The following SAMHD1 variants were observed in gnomAD, a reference collection of about 807,000 sequenced individuals.
The protein encoded by SAMHD1 is deoxynucleoside triphosphate triphosphohydrolase SAMHD1.
Under a neutral mutation model 79.6 loss-of-function variants are expected in SAMHD1, and 54 were observed. The ratio of observed to expected loss-of-function variants is 0.68; its 90% CI spans 0.55 to 0.85. The LOEUF (loss-of-function observed/expected upper bound fraction) is 0.85. SAMHD1 is among the 40% of genes least tolerant of loss of function. SAMHD1 has a pLI of 0.00. For synonymous variants in SAMHD1, 260 were observed against 264.1 expected (o/e 0.98, Z 0.15); for missense variants, 663 against 782.7 (o/e 0.85, Z 1.82).
chr20:36,945,244 G>GCGT (rs2063678051), intron 2 of SAMHD1, among the ~76,000 whole-genome samples: 1 of 152,102 alleles, frequency 6.6e-6, no homozygotes, highest in African/African-American at 2.4e-5. Flanking sequence ...AATTTACTAA[G>GCGT]CGTTAATCAT....
intron 9 of SAMHD1, 132 bp downstream of exon 9, chr20:36,916,590 G>A: frequency 1.3e-6 from 1 of 765,024 alleles, no homozygotes; most frequent in Non-Finnish European, 2.4e-6. Flanking sequence ...AGAGACTAAA[G>A]ATATTTACAA....
intron 2 of SAMHD1, among the ~76,000 whole-genome samples, chr20:36,942,795 C>T (rs1236332228): frequency 6.6e-6 from 1 of 151,950 alleles, no homozygotes; most frequent in Admixed American, 6.6e-5. Flanking sequence ...TACAGCCGCC[C>T]GCCACCATGC....
Position 36,917,003 on chromosome 20 carries a change from A to G in SAMHD1, c.899T>C (p.Ile300Thr), listed in dbSNP as rs901586847. 6.2e-7 allele frequency: 1 copy of G among 1,614,082 alleles called. No homozygotes were observed. The highest frequency in any genetic ancestry group is 1.7e-5 in the Admixed American group (1 of 60,018). Residue 300 changes from isoleucine (I) to threonine (T), a missense_variant, in exon 8 of 16, where the codon ATA becomes ACA. Coordinates refer to ENST00000646673, the MANE Select transcript of SAMHD1 (RefSeq NM_015474.4). ...AATGCCATTTCTTTTATTAGATACT[A>G]TCTCATAAAGGAAGCTTTTGTTTTC... Reference protein sequence around the residue: ...RPENKSFLYEIVSNKRNGIDV... With the variant: ...RPENKSFLYETVSNKRNGIDV...
At position 36,935,848 on chromosome 20, in the gene SAMHD1, G is replaced by T. The variant is rs193031535; in HGVS notation, c.349-659C>A. On this transcript the variant is annotated intron_variant, in intron 3 of 15. Transcript: ENST00000646673. ...GGCCTCCCAAAGTGTTGGGATTACA[G>T]GCGTGAGCCACCGTGCCCGGCCTAA... Among the ~76,000 whole-genome samples, 3 of 152,220 alleles carry T rather than the reference G, an allele frequency of 2.0e-5. 1 individual carries two copies. The highest frequency in any genetic ancestry group is 1.9e-4 in the East Asian group (1 of 5,184).
chr20:36,917,841 T>C (rs1438072951), intron 7 of SAMHD1, among the ~76,000 whole-genome samples: 2 of 152,070 alleles, frequency 1.3e-5, no homozygotes, highest in Non-Finnish European at 2.9e-5. Flanking sequence ...GTTTATCTTA[T>C]ACTGTAAGTA....
intron 7 of SAMHD1, among the ~76,000 whole-genome samples, chr20:36,918,453 C>CAA (rs1047045007): frequency 7.0e-6 from 1 of 143,152 alleles, no homozygotes; most frequent in Non-Finnish European, 1.5e-5. Flanking sequence ...ACCACATCTC[C>CAA]AAAAAAAAAA....
chr20:36,913,574 G>T (rs1453302090), intron 9 of SAMHD1, among the ~76,000 whole-genome samples: 2 of 149,748 alleles, frequency 1.3e-5, no homozygotes, highest in Non-Finnish European at 3.0e-5. Flanking sequence ...TTGCACTCCA[G>T]TCTGGGTGAC....
chr20:36,928,450 G>A (rs1010952314), intron 5 of SAMHD1, among the ~76,000 whole-genome samples: 6 of 152,096 alleles, frequency 3.9e-5, no homozygotes, highest in African/African-American at 7.2e-5. Context: ...ACTTTGGGAG[G>A]CCGAGGCGGG....
At chr20:36,895,736 TTTTCAGTGATTTAG>T (rs1183290469) in intron 15 of SAMHD1, among the ~76,000 whole-genome samples, 68 of 151,884 alleles carry the variant, frequency 4.5e-4, no homozygotes, top group African/African-American at 1.3e-3. Flanking sequence ...GCAGCTAGAG[TTTTCAGTGATTTAG>T]TTTCAGTGAT....
chr20:36,928,753 A>G (rs1465599521), intron 5 of SAMHD1, among the ~76,000 whole-genome samples: 1 of 148,922 alleles, frequency 6.7e-6, no homozygotes, highest in South Asian at 2.1e-4. Context: ...TATAACTCTC[A>G]AGCTTAAAAA....
intron 3 of SAMHD1, among the ~76,000 whole-genome samples, chr20:36,938,488 T>C (rs904518178): frequency 4.0e-5 from 6 of 150,892 alleles, no homozygotes; most frequent in African/African-American, 1.2e-4. Context: ...TGCAGTGAGC[T>C]GAGATCACGC....
intron 13 of SAMHD1, among the ~76,000 whole-genome samples, chr20:36,899,482 T>A (rs988194519): frequency 2.6e-5 from 4 of 152,018 alleles, no homozygotes; most frequent in African/African-American, 9.7e-5. Context: ...CAGCCCTAGA[T>A]TGAAATTCAA....
intron 9 of SAMHD1, among the ~76,000 whole-genome samples, chr20:36,915,411 A>C (rs1338352094): frequency 3.3e-5 from 5 of 152,162 alleles, no homozygotes; most frequent in Non-Finnish European, 5.9e-5. Context: ...TGGTCAACAG[A>C]AGGCTATTTA....
At chr20:36,920,345 G>A (rs2063497301) in intron 6 of SAMHD1, among the ~76,000 whole-genome samples, 1 of 151,982 alleles carries the variant, frequency 6.6e-6, no homozygotes. Flanking sequence ...TGAACTCCTA[G>A]GCTCAAATAA....
In SAMHD1 at chr20:36,932,881, T is replaced by TA. The variant is rs201935924; in HGVS notation, c.510-2007dup. ...CTAAACTGTACACTTAAAAAACACT[T>TA]AAGACTATGTATTTTCTATTCTGTG... On this transcript the variant is annotated intron_variant, in intron 4 of 15. Coordinates refer to ENST00000646673, the MANE Select transcript of SAMHD1 (RefSeq NM_015474.4). Among the ~76,000 whole-genome samples the TA allele has an allele frequency of 1.4e-4, 22 of 152,304 alleles. No homozygotes were observed. In the East Asian group the frequency reaches 2.3e-3, roughly 16 times the overall value.
At chr20:36,922,222 T>C (rs920876198) in intron 6 of SAMHD1, among the ~76,000 whole-genome samples, 6 of 152,202 alleles carry the variant, frequency 3.9e-5, no homozygotes, top group African/African-American at 1.2e-4. Flanking sequence ...AAAGTTTTTT[T>C]CCCCTTTTTC....
At position 36,919,411 on chromosome 20, in the gene SAMHD1, T is replaced by C. The variant is rs1239795387; in HGVS notation, c.805A>G (p.Lys269Glu). 1.2e-6 allele frequency: 2 copies of C among 1,613,596 alleles called. No homozygotes were observed. The highest frequency in any genetic ancestry group is 2.7e-5 in the African/African-American group (2 of 74,894). ...TCAAGTGGTCCTACAATTTGTTCCT[T>C]TATAAAGCAAATATCTTCTTCAGGG... ...LIPEEDICFI[K>E]EQIVGPLESP... The change falls in exon 7 of 16, where the codon AAG becomes GAG. Residue 269 changes from lysine to glutamate, a missense_variant. Transcript: ENST00000646673.
intron 2 of SAMHD1, among the ~76,000 whole-genome samples, chr20:36,942,435 A>C (rs1040525902): frequency 3.3e-5 from 5 of 152,256 alleles, no homozygotes; most frequent in African/African-American, 7.2e-5. Context: ...AAAACAAAAC[A>C]AAACCAAAAT....
intron 12 of SAMHD1, chr20:36,904,566 A>C: frequency 3.0e-6 from 1 of 335,568 alleles, no homozygotes; most frequent in Non-Finnish European, 5.8e-6. Flanking sequence ...AAAATACAAA[A>C]ATTAGCTGGG....
Sources: allele counts gnomAD v4.1 joint callset (sites outside exome capture counted in the v4.1 genomes callset), GRCh38; gene constraint gnomAD v4.1.1; transcripts MANE v1.5; gene names NCBI Gene and HGNC (gene_info 2026-07-23, HGNC 2026-07-21).